ANKRD13C: variants seen among roughly 807,000 people sequenced by gnomAD.
ANKRD13C encodes ankyrin repeat domain 13C, also known as ankyrin repeat domain-containing protein 13C.
Under a neutral mutation model 65.5 loss-of-function variants are expected in ANKRD13C, and 16 were observed. The observed-to-expected ratio is 0.24, with a 90% CI of 0.17 to 0.37. The LOEUF is 0.37. Among genes scored for constraint, ANKRD13C ranks in the 10% least tolerant of loss-of-function variants. ANKRD13C has a pLI of 1.00. For synonymous variants in ANKRD13C, 235 were observed against 238.7 expected (o/e 0.98, Z 0.14); for missense variants, 503 against 655.9 (o/e 0.77, Z 2.55).
At chr1:70,286,891 C>T (rs1156349676) in intron 9 of ANKRD13C, among the ~76,000 whole-genome samples, 10 of 152,010 alleles carry the variant, frequency 6.6e-5, no homozygotes, top group Admixed American at 6.6e-5. Context: ...GAGGCTGAGG[C>T]GGGAGAATTG....
At chr1:70,315,821 C>A (rs1473815236) in intron 3 of ANKRD13C, among the ~76,000 whole-genome samples, 1 of 152,082 alleles carries the variant, frequency 6.6e-6, no homozygotes, top group Non-Finnish European at 1.5e-5. Context: ...AACATGGGAC[C>A]TATATAGATA....
At chr1:70,331,770 C>T (rs1681809802) in intron 2 of ANKRD13C, among the ~76,000 whole-genome samples, 1 of 129,438 alleles carries the variant, frequency 7.7e-6, no homozygotes, top group African/African-American at 2.9e-5. Flanking sequence ...AGGTTGCAGC[C>T]GAGATCATCC....
At chr1:70,263,776 C>A (rs1039530536) in intron 12 of ANKRD13C, among the ~76,000 whole-genome samples, 2 of 151,958 alleles carry the variant, frequency 1.3e-5, no homozygotes, top group Non-Finnish European at 2.9e-5. Flanking sequence ...CATAGGGAGA[C>A]CCTGTCTCTA....
intron 1 of ANKRD13C, among the ~76,000 whole-genome samples, chr1:70,350,327 G>A (rs1037381672): frequency 6.6e-6 from 1 of 152,224 alleles, no homozygotes; most frequent in Admixed American, 6.5e-5. Context: ...CGATGATGAT[G>A]AAGATTTTCA....
In ANKRD13C at chr1:70,349,893, T is replaced by C. The variant is rs141991916; in HGVS notation, c.430+4086A>G. 6.2e-3 allele frequency among the ~76,000 whole-genome samples: 951 copies of C among 152,308 alleles called. 57 individuals are homozygous for C. The East Asian group carries it at 0.14, about 23-fold the overall frequency. On this transcript the variant is annotated intron_variant, in intron 1 of 12. Coordinates refer to ENST00000370944, the MANE Select transcript of ANKRD13C (RefSeq NM_030816.5). ...GCTCATGCCTGTAATCCCAGCACTT[T>C]TGTAGGCTGAGGTGGGCAGATCACT...
intron 9 of ANKRD13C, among the ~76,000 whole-genome samples, chr1:70,283,213 C>A (rs1679472019): frequency 6.6e-6 from 1 of 152,022 alleles, no homozygotes; most frequent in Non-Finnish European, 1.5e-5. Flanking sequence ...CTTGCTGAAT[C>A]CTTCAGTGCC....
chr1:70,264,436 A>G (rs1198620662), intron 12 of ANKRD13C, among the ~76,000 whole-genome samples: 1 of 145,162 alleles, frequency 6.9e-6, no homozygotes, highest in Non-Finnish European at 1.5e-5. Flanking sequence ...AGATTGCGCC[A>G]CTACACTAGA....
intron 12 of ANKRD13C, among the ~76,000 whole-genome samples, chr1:70,265,898 GGAAAGAGGACGGAAGGAAA>G (rs1678607644): frequency 6.7e-6 from 1 of 148,784 alleles, no homozygotes; most frequent in Admixed American, 6.7e-5. Context: ...ATGGAGGGAG[GGAAAGAGGACGGAAGGAAA>G]GAGAGAGGGA....
intron 7 of ANKRD13C, 112 bp from the exon 8 acceptor site, chr1:70,296,373 G>T: frequency 9.2e-7 from 1 of 1,088,796 alleles, no homozygotes. Context: ...AGACAAAAAG[G>T]ATAGTTTCTA....
At chr1:70,344,425 T>C (rs373832212) in intron 1 of ANKRD13C, among the ~76,000 whole-genome samples, 3 of 151,534 alleles carry the variant, frequency 2.0e-5, no homozygotes, top group South Asian at 2.1e-4. Context: ...GGTCACACTA[T>C]TGCACTCCAG....
chr1:70,300,656 A>T (rs1680310879), intron 7 of ANKRD13C, 108 bp downstream of exon 7: 1 of 1,002,932 alleles, frequency 1.0e-6, no homozygotes, highest in Non-Finnish European at 1.4e-6. Context: ...GGAACAAACC[A>T]TCTCAATTAT....
At chr1:70,332,943 T>C (rs547026169) in intron 2 of ANKRD13C, among the ~76,000 whole-genome samples, 134 of 152,290 alleles carry the variant, frequency 8.8e-4, no homozygotes, top group Non-Finnish European at 1.6e-3. Flanking sequence ...GGTAAATCCA[T>C]ATTAACTACT....
chr1:70,299,908 G>A (rs956306348), intron 7 of ANKRD13C, among the ~76,000 whole-genome samples: 4 of 152,120 alleles, frequency 2.6e-5, no homozygotes, highest in African/African-American at 7.2e-5. Context: ...TATTCTGGCA[G>A]TTTGTAAAAA....
chr1:70,298,273 C>G (rs1261949451), intron 7 of ANKRD13C, among the ~76,000 whole-genome samples: 1 of 152,106 alleles, frequency 6.6e-6, no homozygotes, highest in Non-Finnish European at 1.5e-5. Flanking sequence ...ACTTTTGGAA[C>G]AGAATTCTTA....
intron 2 of ANKRD13C, among the ~76,000 whole-genome samples, chr1:70,330,808 C>A (rs996600303): frequency 5.9e-5 from 9 of 151,998 alleles, no homozygotes; most frequent in African/African-American, 2.2e-4. Context: ...GTTTGAAAAA[C>A]CTTTCTCTCA....
chr1:70,266,967 T>A (rs1248603479), intron 12 of ANKRD13C, among the ~76,000 whole-genome samples: 1 of 152,216 alleles, frequency 6.6e-6, no homozygotes, highest in African/African-American at 2.4e-5. Flanking sequence ...TATGATGTTG[T>A]TGATCTACAT....
At chr1:70,303,470 AGAAAATCCT>A (rs1366891905) in intron 6 of ANKRD13C, among the ~76,000 whole-genome samples, 1 of 152,246 alleles carries the variant, frequency 6.6e-6, no homozygotes, top group Non-Finnish European at 1.5e-5. Flanking sequence ...ACTTCAGACA[AGAAAATCCT>A]GAAGTAAGAC....
intron 9 of ANKRD13C, among the ~76,000 whole-genome samples, chr1:70,282,527 T>G (rs899559616): frequency 1.6e-4 from 25 of 152,198 alleles, no homozygotes; most frequent in African/African-American, 6.0e-4. Flanking sequence ...CACTGTTCTT[T>G]TGAGATTTCT....
chr1:70,322,024 T>C (rs769000554), intron 3 of ANKRD13C, among the ~76,000 whole-genome samples: 1 of 152,120 alleles, frequency 6.6e-6, no homozygotes, highest in Non-Finnish European at 1.5e-5. Flanking sequence ...AATTTCAAAG[T>C]ACAGACATAG....
Sources: gnomAD v4.1 joint callset for allele counts (sites outside exome capture counted in the v4.1 genomes callset) on GRCh38, gnomAD v4.1.1 for gene constraint, MANE v1.5 for transcripts, NCBI Gene and HGNC (gene_info 2026-07-23, HGNC 2026-07-21) for gene names.